SRBD1: variants seen among roughly 807,000 people sequenced by gnomAD.
The protein encoded by SRBD1 is S1 RNA binding domain 1.
Under a neutral mutation model 115.3 loss-of-function variants are expected in SRBD1, and 88 were observed. The observed-to-expected ratio is 0.76, with a 90% CI of 0.64 to 0.91. The LOEUF (loss-of-function observed/expected upper bound fraction) is 0.91, where lower values mean the gene tolerates loss of function less well. SRBD1 is among the 40% of genes least tolerant of loss of function. The pLI is 0.00. For missense variants in SRBD1, 1,385 were observed against 1,177.4 expected, an observed-to-expected ratio of 1.18 and a Z score of -2.58; for synonymous variants, 509 against 407.7, an observed-to-expected ratio of 1.25 and a Z score of -2.99.
intron 16 of SRBD1, among the ~76,000 whole-genome samples, chr2:45,446,306 G>T (rs1668821943): frequency 6.6e-6 from 1 of 152,134 alleles, no homozygotes; most frequent in African/African-American, 2.4e-5. Flanking sequence ...GCTTCATAAT[G>T]TCTTTAATGC....
At chr2:45,603,453 C>T (rs575925654) in intron 2 of SRBD1, among the ~76,000 whole-genome samples, 110 of 152,254 alleles carry the variant, frequency 7.2e-4, no homozygotes, top group African/African-American at 2.5e-3. Flanking sequence ...TGGAATCCCT[C>T]GAGGCTTAGT....
chr2:45,473,662 A>G (rs1316091435), intron 16 of SRBD1, among the ~76,000 whole-genome samples: 4 of 152,138 alleles, frequency 2.6e-5, no homozygotes, highest in Admixed American at 1.3e-4. Flanking sequence ...TTTTTTATCA[A>G]TAATAGGACT....
chr2:45,590,815 G>A (rs1170840099), intron 4 of SRBD1, among the ~76,000 whole-genome samples: 1 of 152,082 alleles, frequency 6.6e-6, no homozygotes, highest in Non-Finnish European at 1.5e-5. Context: ...TCAGGAGTTC[G>A]AGACTGGCCT....
chr2:45,468,380 T>C (rs1458361241), intron 16 of SRBD1, among the ~76,000 whole-genome samples: 7 of 151,512 alleles, frequency 4.6e-5, no homozygotes, highest in Non-Finnish European at 8.8e-5. Context: ...AAATATTGCT[T>C]CAATGAACTT....
intron 1 of SRBD1, among the ~76,000 whole-genome samples, chr2:45,607,581 T>C (rs1055651464): frequency 1.3e-5 from 2 of 151,714 alleles, no homozygotes; most frequent in Non-Finnish European, 2.9e-5. Flanking sequence ...CCCAAGCCAG[T>C]AGTGGGAGCA....
At chr2:45,603,523 T>C (rs1235086659) in intron 2 of SRBD1, among the ~76,000 whole-genome samples, 1 of 152,144 alleles carries the variant, frequency 6.6e-6, no homozygotes, top group Admixed American at 6.5e-5. Flanking sequence ...CAGGAATCTA[T>C]ATTTTATTTT....
intron 14 of SRBD1, among the ~76,000 whole-genome samples, chr2:45,500,614 C>A (rs1401106989): frequency 6.6e-6 from 1 of 151,988 alleles, no homozygotes; most frequent in African/African-American, 2.4e-5. Context: ...TGGGGTTTCA[C>A]CATGTTGCCC....
chr2:45,569,149 T>C (rs1408184078), intron 9 of SRBD1: 1 of 152,244 alleles, frequency 6.6e-6, no homozygotes, highest in Non-Finnish European at 1.5e-5. Context: ...CAAAAATTTT[T>C]CACATCTGTG....
At position 45,551,270 on chromosome 2, in the gene SRBD1, T is replaced by C. The variant is rs766394841; in HGVS notation, c.1530A>G (p.Thr510=). 6 of 1,597,250 alleles carry C rather than the reference T, an allele frequency of 3.8e-6. No individual in the cohort carries two copies. The highest frequency in any genetic ancestry group is 5.1e-6 in the Non-Finnish European group (6 of 1,176,580). Reference sequence around the variant, plus strand: ...TTACTGATTCCTTCTCTGCATCTGATGTTAGTTTGGCTCTTTAGAAATAGA... The same window carrying C: ...TTACTGATTCCTTCTCTGCATCTGACGTTAGTTTGGCTCTTTAGAAATAGA... ...LLCREFRAKL[T]SDAEKESVMM... Residue 510 remains threonine, a synonymous_variant, in exon 12 of 21, where the codon ACA becomes ACG. Transcript: ENST00000263736.
intron 10 of SRBD1, among the ~76,000 whole-genome samples, chr2:45,558,105 C>T (rs1672540547): frequency 6.6e-6 from 1 of 152,072 alleles, no homozygotes; most frequent in Admixed American, 6.6e-5. Context: ...AAAACAGCAG[C>T]ACAATTTTAG....
chr2:45,462,052 G>GA (rs199982362), intron 16 of SRBD1, among the ~76,000 whole-genome samples: 9 of 150,478 alleles, frequency 6.0e-5, no homozygotes, highest in African/African-American at 9.8e-5. Flanking sequence ...AACATTACAG[G>GA]AAAAAAAAAG....
intron 19 of SRBD1, among the ~76,000 whole-genome samples, chr2:45,403,549 T>C (rs1231274806): frequency 6.6e-6 from 1 of 152,198 alleles, no homozygotes; most frequent in Non-Finnish European, 1.5e-5. Context: ...CCATGTCCTA[T>C]TGGAGCTTAC....
chr2:45,512,141 C>T (rs17394303), intron 14 of SRBD1, among the ~76,000 whole-genome samples: 15,089 of 152,222 alleles, frequency 0.099, 818 homozygotes, highest in Middle Eastern at 0.14. Flanking sequence ...AGATATGAGT[C>T]TTGCCAAAGG....
intron 14 of SRBD1, among the ~76,000 whole-genome samples, chr2:45,525,422 A>C (rs1185228225): frequency 6.6e-6 from 1 of 152,050 alleles, no homozygotes; most frequent in Non-Finnish European, 1.5e-5. Context: ...AGAACTATAA[A>C]GAACTCTTAC....
intron 18 of SRBD1, among the ~76,000 whole-genome samples, chr2:45,414,462 T>C (rs1667704167): frequency 6.7e-6 from 1 of 150,166 alleles, no homozygotes; most frequent in South Asian, 2.1e-4. Context: ...GTAGTATGTA[T>C]AGTGTGTATA....
chr2:45,488,674 C>G (rs1670196765), intron 14 of SRBD1, among the ~76,000 whole-genome samples: 1 of 152,024 alleles, frequency 6.6e-6, no homozygotes, highest in African/African-American at 2.4e-5. Context: ...ATGCACATAG[C>G]CTCTCCTGTA....
At chr2:45,448,997 C>A (rs1667463803) in intron 16 of SRBD1, among the ~76,000 whole-genome samples, 1 of 152,060 alleles carries the variant, frequency 6.6e-6, no homozygotes, top group Admixed American at 6.6e-5. Flanking sequence ...CAAATGTGAA[C>A]CCAGCTTTTA....
chr2:45,472,956 G>GTTT (rs5830862), intron 16 of SRBD1, among the ~76,000 whole-genome samples: 1 of 148,038 alleles, frequency 6.8e-6, no homozygotes. Flanking sequence ...TATCAAGGTT[G>GTTT]TTTTTTTTTT....
At position 45,610,927 on chromosome 2, in the gene SRBD1, C is replaced by CAA. The variant is rs10535905; in HGVS notation, c.-1+290_-1+291dup. Among the ~76,000 whole-genome samples, 229 of 134,396 alleles carry CAA rather than the reference C, an allele frequency of 1.7e-3. 1 individual carries two copies. The highest frequency in any genetic ancestry group is 9.2e-3 in the Admixed American group (126 of 13,688). The allele number at this position is 134,396 out of a possible 152,430, so 88.2% of individuals were successfully genotyped here. On this transcript the variant is annotated intron_variant, in intron 1 of 20. Transcript: ENST00000263736. ...TGGGCGACAGAGGGAGACTCCGTCT[C>CAA]AAAAAAAAAAAAAACAGGCTTGCCC...
Sources: gnomAD v4.1 joint callset for allele counts (sites outside exome capture counted in the v4.1 genomes callset) on GRCh38, gnomAD v4.1.1 for gene constraint, MANE v1.5 for transcripts, NCBI Gene and HGNC (gene_info 2026-07-23, HGNC 2026-07-21) for gene names.